The following NT5DC1 variants were observed in gnomAD, a reference collection of about 807,000 sequenced individuals.
The protein encoded by NT5DC1 is 5'-nucleotidase domain-containing protein 1.
In NT5DC1, 42 loss-of-function variants were observed where a neutral mutation model predicts 59.4. That is an observed-to-expected ratio of 0.71 (90% CI 0.55 to 0.92). The LOEUF (loss-of-function observed/expected upper bound fraction) is 0.92. NT5DC1 is among the 40% of genes least tolerant of loss of function. NT5DC1 has a pLI of 0.00. For missense variants in NT5DC1, 501 were observed against 537.1 expected (o/e 0.93, Z 0.66); for synonymous variants, 172 against 188.1 (o/e 0.91, Z 0.70).
intron 6 of NT5DC1, among the ~76,000 whole-genome samples, chr6:116,185,045 G>A (rs1480679284): frequency 6.6e-6 from 1 of 151,872 alleles, no homozygotes; most frequent in Non-Finnish European, 1.5e-5. Flanking sequence ...TATTCTGGAG[G>A]TTTTGATAGG....
chr6:116,120,237 C>T (rs1339112739), intron 6 of NT5DC1: 2 of 1,614,182 alleles, frequency 1.2e-6, no homozygotes, highest in South Asian at 1.1e-5. Context: ...TTGGTGTATT[C>T]ATCATAGGTG....
At chr6:116,227,875 A>G (rs1384653890) in intron 8 of NT5DC1, among the ~76,000 whole-genome samples, 1 of 151,890 alleles carries the variant, frequency 6.6e-6, no homozygotes, top group East Asian at 1.9e-4. Context: ...TATCAGATGT[A>G]TGGTTTGCAA....
intron 6 of NT5DC1, among the ~76,000 whole-genome samples, chr6:116,212,636 A>G (rs1301227567): frequency 6.6e-6 from 1 of 152,158 alleles, no homozygotes; most frequent in African/African-American, 2.4e-5. Flanking sequence ...TCCTTTGAAT[A>G]CCAATCTAGT....
At chr6:116,185,203 T>C (rs1264583544) in intron 6 of NT5DC1, among the ~76,000 whole-genome samples, 3 of 152,146 alleles carry the variant, frequency 2.0e-5, no homozygotes, top group African/African-American at 4.8e-5. Context: ...ATTTCCAATT[T>C]TATCCACTAT....
chr6:116,202,237 T>C (rs1781364479), intron 6 of NT5DC1, among the ~76,000 whole-genome samples: 1 of 152,010 alleles, frequency 6.6e-6, no homozygotes, highest in South Asian at 2.1e-4. Flanking sequence ...TTGCACACAC[T>C]TGGCTATTCT....
At chr6:116,120,221 T>A (rs755537132) in intron 6 of NT5DC1, 1 of 1,614,176 alleles carries the variant, frequency 6.2e-7, no homozygotes, top group East Asian at 2.2e-5. Context: ...CTGATCCAGG[T>A]AGCCTTTGGT....
chr6:116,243,259 T>G (rs1459082420), intron 11 of NT5DC1, among the ~76,000 whole-genome samples: 1 of 152,208 alleles, frequency 6.6e-6, no homozygotes. Context: ...TTAGGTCTCA[T>G]TCACCAGTTT....
intron 6 of NT5DC1, among the ~76,000 whole-genome samples, chr6:116,174,135 A>T (rs368659284): frequency 1.3e-5 from 2 of 152,200 alleles, no homozygotes; most frequent in East Asian, 3.9e-4. Context: ...TGCTGTCAAC[A>T]TGACATCACT....
chr6:116,177,168 A>G (rs143023284), intron 6 of NT5DC1, among the ~76,000 whole-genome samples: 220 of 152,326 alleles, frequency 1.4e-3, no homozygotes, highest in East Asian at 4.2e-3. Context: ...GTCTTTTGTT[A>G]CTTGAGCTTT....
chr6:116,202,602 TAA>T (rs1374153306), intron 6 of NT5DC1, among the ~76,000 whole-genome samples: 1 of 151,990 alleles, frequency 6.6e-6, no homozygotes, highest in Non-Finnish European at 1.5e-5. Flanking sequence ...TCAGTGACAC[TAA>T]GTTTAGATTG....
At chr6:116,169,682 A>G (rs1039377144) in intron 6 of NT5DC1, among the ~76,000 whole-genome samples, 4 of 152,330 alleles carry the variant, frequency 2.6e-5, no homozygotes, top group Admixed American at 2.6e-4. Context: ...ATAAAACATG[A>G]GGAATGAAGA....
intron 6 of NT5DC1, chr6:116,126,048 C>T (rs947184318): frequency 2.6e-5 from 4 of 155,504 alleles, no homozygotes; most frequent in African/African-American, 9.6e-5. Context: ...TAAGCGTACG[C>T]TTACCTGCGT....
At position 116,146,064 on chromosome 6, in the gene NT5DC1, C is replaced by T. The variant is rs1045454965; in HGVS notation, c.529+28119C>T. 1.4e-4 allele frequency among the ~76,000 whole-genome samples: 21 copies of T among 152,168 alleles called. 1 individual carries two copies. Among genetic ancestry groups the T allele is most frequent in the Admixed American group, 1.4e-3 (21 of 15,280 alleles). ...TTTCCTATCACAGTTAACATATGCACGGTTACCAGCCATGTGTCCCACAGC... is the reference window on the plus strand; with the variant it reads ...TTTCCTATCACAGTTAACATATGCATGGTTACCAGCCATGTGTCCCACAGC... On this transcript the variant is annotated intron_variant, in intron 6 of 11. Coordinates refer to ENST00000319550, the MANE Select transcript of NT5DC1 (RefSeq NM_152729.3).
At position 116,221,112 on chromosome 6, in the gene NT5DC1, T is replaced by G. The variant is rs1248262392; in HGVS notation, c.588T>G (p.Ser196Arg). ...GAGATCCAGGCAGATATTTACATAG[T>G]TGTCCTGAATCTGTGAAAAAATGGC... ...IKRDPGRYLH[S>R]CPESVKKWLR... The change falls in exon 7 of 12, where the codon AGT (serine) becomes AGG (arginine). Residue 196 changes from serine (S) to arginine (R), a missense_variant. Transcript: ENST00000319550. 1.3e-6 allele frequency: 2 copies of G among 1,572,606 alleles called. No individual in the cohort carries two copies. Among genetic ancestry groups the G allele is most frequent in the Non-Finnish European group, 1.7e-6 (2 of 1,143,594 alleles).
intron 6 of NT5DC1, among the ~76,000 whole-genome samples, chr6:116,164,281 G>A (rs1003251052): frequency 1.3e-5 from 2 of 152,128 alleles, no homozygotes; most frequent in African/African-American, 4.8e-5. Context: ...GTTGGGTAAT[G>A]TATATATTTA....
chr6:116,227,460 A>T (rs1490694147), intron 8 of NT5DC1, among the ~76,000 whole-genome samples: 1 of 152,154 alleles, frequency 6.6e-6, no homozygotes, highest in South Asian at 2.1e-4. Flanking sequence ...TACCAATTTC[A>T]TACATTTTGC....
At chr6:116,215,788 A>T (rs1781677789) in intron 6 of NT5DC1, among the ~76,000 whole-genome samples, 1 of 152,170 alleles carries the variant, frequency 6.6e-6, no homozygotes, top group Non-Finnish European at 1.5e-5. Context: ...GCGTGGTGGG[A>T]TTGTGGGTAA....
chr6:116,139,474 C>A (rs1779708759), intron 6 of NT5DC1, among the ~76,000 whole-genome samples: 1 of 152,024 alleles, frequency 6.6e-6, no homozygotes, highest in Non-Finnish European at 1.5e-5. Flanking sequence ...CCACAAAATT[C>A]TTGTACATTT....
Position 116,196,854 on chromosome 6 carries a change from C to T in NT5DC1, c.530-24200C>T, listed in dbSNP as rs1012623059. On this transcript the variant is annotated intron_variant, in intron 6 of 11. Coordinates refer to ENST00000319550, the MANE Select transcript of NT5DC1 (RefSeq NM_152729.3). ...TGCTTACCATGAGCCAGGCACCGTT[C>T]TTCATTAGACAGGGAAAGCAGATAC... Among the ~76,000 whole-genome samples the T allele has an allele frequency of 6.6e-5, 10 of 151,878 alleles. 1 individual carries two copies. The highest frequency in any genetic ancestry group is 4.6e-4 in the Admixed American group (7 of 15,230).
Sources: gnomAD v4.1 joint callset for allele counts (sites outside exome capture counted in the v4.1 genomes callset) on GRCh38, gnomAD v4.1.1 for gene constraint, MANE v1.5 for transcripts, NCBI Gene and HGNC (gene_info 2026-07-23, HGNC 2026-07-21) for gene names.